The following JAZF1 variants were observed in gnomAD, a reference collection of about 807,000 sequenced individuals.
JAZF1 encodes JAZF zinc finger 1.
In JAZF1, 8 loss-of-function variants were observed where a neutral mutation model predicts 26.4. That is an observed-to-expected ratio of 0.30 (90% CI 0.18 to 0.55). The LOEUF (loss-of-function observed/expected upper bound fraction) is 0.55. Ranked by LOEUF, JAZF1 falls within the 20% of genes least tolerant of loss-of-function variation. JAZF1 has a pLI of 0.94. For missense variants in JAZF1, 199 were observed against 322.0 expected, an observed-to-expected ratio of 0.62 and a Z score of 2.92; for synonymous variants, 126 against 122.3, an observed-to-expected ratio of 1.03 and a Z score of -0.20.
At chr7:28,136,323 C>G (rs574813446) in intron 1 of JAZF1, among the ~76,000 whole-genome samples, 1 of 152,354 alleles carries the variant, frequency 6.6e-6, no homozygotes, top group Admixed American at 6.5e-5. Context: ...ACCAGTTTTT[C>G]TAACTCTAAC....
In JAZF1 at chr7:28,072,947, AAGTACAAAG is replaced by A. The variant is rs1783999159; in HGVS notation, c.116-80975_116-80967del. Among the ~76,000 whole-genome samples the A allele has an allele frequency of 2.6e-5, 4 of 152,336 alleles. No homozygotes were observed. The South Asian group carries it at 6.2e-4, about 24-fold the overall frequency. Reference sequence around the variant, plus strand: ...CCAAAAAAAATTATGTATTTAAGAAAAGTACAAAGACAACCTCTCTCACCTTGTTCCCCT... The same window carrying A: ...CCAAAAAAAATTATGTATTTAAGAAAACAACCTCTCTCACCTTGTTCCCCT... On this transcript the variant is annotated intron_variant, in intron 1 of 4. Transcript: ENST00000283928.
At chr7:28,170,486 C>T (rs1390455968) in intron 1 of JAZF1, among the ~76,000 whole-genome samples, 1 of 151,588 alleles carries the variant, frequency 6.6e-6, no homozygotes, top group African/African-American at 2.4e-5. Context: ...AGAGAGAAAA[C>T]CAGTTAGCGT....
At chr7:28,142,687 T>C (rs10280937) in intron 1 of JAZF1, among the ~76,000 whole-genome samples, 28,247 of 152,142 alleles carry the variant, frequency 0.19, 3,319 homozygotes, top group African/African-American at 0.31. Flanking sequence ...GGAGCCAGAG[T>C]ATGTCTCAGC....
chr7:27,849,439 G>T (rs1381814107), intron 3 of JAZF1, among the ~76,000 whole-genome samples: 1 of 152,158 alleles, frequency 6.6e-6, no homozygotes. Flanking sequence ...GCAAGAAAAC[G>T]TAATTTAACC....
At chr7:27,985,764 T>C (rs1353363856) in intron 2 of JAZF1, among the ~76,000 whole-genome samples, 82 of 152,182 alleles carry the variant, frequency 5.4e-4, no homozygotes, top group Non-Finnish European at 4.1e-4. Context: ...CACCATCAAG[T>C]TGGCTTCATC....
chr7:27,962,051 A>G (rs573298482), intron 2 of JAZF1, among the ~76,000 whole-genome samples: 1 of 152,342 alleles, frequency 6.6e-6, no homozygotes, highest in South Asian at 2.1e-4. Flanking sequence ...ATAATAGATT[A>G]TTTAAATAGT....
intron 1 of JAZF1, among the ~76,000 whole-genome samples, chr7:28,050,237 C>T (rs1164420737): frequency 6.6e-6 from 1 of 152,146 alleles, no homozygotes; most frequent in African/African-American, 2.4e-5. Flanking sequence ...CTGTGCCAGG[C>T]ATCAGGGGCA....
chr7:28,126,933 T>C (rs986045124), intron 1 of JAZF1, among the ~76,000 whole-genome samples: 1 of 152,174 alleles, frequency 6.6e-6, no homozygotes, highest in Non-Finnish European at 1.5e-5. Flanking sequence ...TCCATGCCAG[T>C]GGAAAGTACA....
At chr7:27,998,071 A>AAGGAAGGAAGGAAGGAAGGAAGGAAGGC (rs10691690) in intron 1 of JAZF1, among the ~76,000 whole-genome samples, 17 of 111,600 alleles carry the variant, frequency 1.5e-4, no homozygotes, top group African/African-American at 7.0e-4. Context: ...GGAAGGAAGG[A>AAGGAAGGAAGGAAGGAAGGAAGGAAGGC]AGGCAGGCAG....
chr7:27,856,595 T>C (rs1783259687), intron 3 of JAZF1, among the ~76,000 whole-genome samples: 1 of 152,230 alleles, frequency 6.6e-6, no homozygotes, highest in African/African-American at 2.4e-5. Flanking sequence ...GACAGGGTGC[T>C]GATTGGTGCG....
At chr7:28,129,598 A>G (rs1782756160) in intron 1 of JAZF1, among the ~76,000 whole-genome samples, 1 of 152,220 alleles carries the variant, frequency 6.6e-6, no homozygotes. Context: ...CTATACCAAA[A>G]GAACTACAAG....
intron 1 of JAZF1, among the ~76,000 whole-genome samples, chr7:28,122,146 T>C (rs1287170449): frequency 1.3e-5 from 2 of 152,244 alleles, no homozygotes; most frequent in Non-Finnish European, 2.9e-5. Context: ...AAATCTTCTA[T>C]CTGATTTTAG....
intron 1 of JAZF1, among the ~76,000 whole-genome samples, chr7:27,997,222 T>C (rs534276035): frequency 6.6e-6 from 1 of 151,748 alleles, no homozygotes; most frequent in Admixed American, 6.6e-5. Flanking sequence ...AAAAGGCAAG[T>C]GAGGGAAGGT....
At chr7:27,939,154 C>G (rs1784804832) in intron 2 of JAZF1, among the ~76,000 whole-genome samples, 1 of 152,180 alleles carries the variant, frequency 6.6e-6, no homozygotes, top group African/African-American at 2.4e-5. Flanking sequence ...AACCTTCCTG[C>G]TTCAAAATGA....
intron 1 of JAZF1, among the ~76,000 whole-genome samples, chr7:28,033,974 T>C (rs1331686964): frequency 1.3e-5 from 2 of 152,104 alleles, no homozygotes; most frequent in African/African-American, 2.4e-5. Context: ...AACTCCTGAC[T>C]TCAGGTGATC....
chr7:27,962,178 A>C (rs1045903980), intron 2 of JAZF1, among the ~76,000 whole-genome samples: 1 of 152,234 alleles, frequency 6.6e-6, no homozygotes. Context: ...TAATTTATTG[A>C]ATATTTACCA....
intron 1 of JAZF1, among the ~76,000 whole-genome samples, chr7:28,114,130 C>T (rs923493676): frequency 2.0e-5 from 3 of 152,212 alleles, no homozygotes; most frequent in African/African-American, 4.8e-5. Context: ...TAACTTTCCA[C>T]GGAGTTGGTA....
chr7:27,982,455 G>C (rs1785605177), intron 2 of JAZF1, among the ~76,000 whole-genome samples: 1 of 152,230 alleles, frequency 6.6e-6, no homozygotes, highest in Non-Finnish European at 1.5e-5. Flanking sequence ...TGGCTAGGAA[G>C]CTCGAACTCG....
chr7:28,168,602 A>T (rs749883764), intron 1 of JAZF1, among the ~76,000 whole-genome samples: 4 of 152,084 alleles, frequency 2.6e-5, no homozygotes, highest in Non-Finnish European at 5.9e-5. Context: ...TACTTCCCTC[A>T]TATGCTGTGT....
Sources: gnomAD v4.1 joint callset for allele counts (sites outside exome capture counted in the v4.1 genomes callset) on GRCh38, gnomAD v4.1.1 for gene constraint, MANE v1.5 for transcripts, NCBI Gene and HGNC (gene_info 2026-07-23, HGNC 2026-07-21) for gene names.